The following MDGA2 variants were observed in gnomAD, a reference collection of about 807,000 sequenced individuals.
MDGA2 encodes MAM domain containing glycosylphosphatidylinositol anchor 2.
A neutral mutation model predicts 117.8 loss-of-function variants in MDGA2; 40 were observed. The observed-to-expected ratio is 0.34, with a 90% CI of 0.26 to 0.44. MDGA2 has a LOEUF of 0.44. Ranked by LOEUF, MDGA2 falls within the 20% of genes least tolerant of loss-of-function variation. The pLI is 1.00. For missense variants in MDGA2, 1,123 were observed against 1,250.6 expected, an observed-to-expected ratio of 0.90 and a Z score of 1.54; for synonymous variants, 452 against 439.0, an observed-to-expected ratio of 1.03 and a Z score of -0.37.
chr14:47,117,983 C>T (rs1412275740), intron 5 of MDGA2, among the ~76,000 whole-genome samples: 1 of 152,096 alleles, frequency 6.6e-6, no homozygotes, highest in East Asian at 1.9e-4. Flanking sequence ...GGATTTAGTT[C>T]CAAGTTTTGC....
chr14:47,090,544 T>C (rs893346967), intron 6 of MDGA2, among the ~76,000 whole-genome samples: 5 of 152,172 alleles, frequency 3.3e-5, no homozygotes, highest in African/African-American at 1.2e-4. Flanking sequence ...ATGTGAAGAA[T>C]ATAGTTTATG....
rs949093825 is a variant in MDGA2, at chr14:47,256,638, G to A, written c.421-38443C>T. On this transcript the variant is annotated intron_variant, in intron 2 of 16. Coordinates refer to ENST00000399232, the MANE Select transcript of MDGA2 (RefSeq NM_001113498.3). ...TTCTGATACTCCATTAGGAGAAGAG[G>A]TGATTTTACATAGTTGTGACTTTAA... is the stretch of plus-strand genomic sequence containing the variant. Among the ~76,000 whole-genome samples, 6 of 152,254 alleles carry A rather than the reference G, an allele frequency of 3.9e-5. No individual in the cohort carries two copies. The South Asian group carries it at 1.0e-3, about 26-fold the overall frequency.
At chr14:47,631,433 C>T (rs1047999791) in intron 1 of MDGA2, among the ~76,000 whole-genome samples, 21 of 152,150 alleles carry the variant, frequency 1.4e-4, no homozygotes, top group African/African-American at 5.1e-4. Context: ...TTAAATTTCT[C>T]TTATTTTTTA....
intron 1 of MDGA2, among the ~76,000 whole-genome samples, chr14:47,621,451 A>C (rs1450673680): frequency 6.6e-6 from 1 of 152,050 alleles, no homozygotes; most frequent in Admixed American, 6.6e-5. Flanking sequence ...CAGCCTCCTG[A>C]GTAGCTAGGA....
chr14:47,428,505 C>G (rs930246993), intron 1 of MDGA2, among the ~76,000 whole-genome samples: 1 of 152,014 alleles, frequency 6.6e-6, no homozygotes, highest in Non-Finnish European at 1.5e-5. Flanking sequence ...TTGGAATGTG[C>G]TACTGTTTCA....
At chr14:47,196,403 T>C (rs1885289623) in intron 3 of MDGA2, among the ~76,000 whole-genome samples, 1 of 152,168 alleles carries the variant, frequency 6.6e-6, no homozygotes, top group Non-Finnish European at 1.5e-5. Context: ...TACTGTAAGA[T>C]TAAACAACTT....
intron 10 of MDGA2, among the ~76,000 whole-genome samples, chr14:46,903,576 C>A (rs1312877403): frequency 3.3e-5 from 5 of 152,188 alleles, no homozygotes; most frequent in African/African-American, 1.2e-4. Flanking sequence ...CCCTCTTCAT[C>A]TTTACTATAG....
intron 1 of MDGA2, among the ~76,000 whole-genome samples, chr14:47,559,481 A>T (rs1895752877): frequency 1.3e-5 from 2 of 151,568 alleles, no homozygotes; most frequent in Admixed American, 6.6e-5. Flanking sequence ...TTCTTTATCC[A>T]TTCTACTATT....
intron 1 of MDGA2, among the ~76,000 whole-genome samples, chr14:47,304,558 A>C (rs564244892): frequency 6.6e-6 from 1 of 152,172 alleles, no homozygotes; most frequent in Admixed American, 6.5e-5. Flanking sequence ...ACTTCACAAT[A>C]GAATGTTGTC....
At chr14:47,329,067 G>A (rs766745301) in intron 1 of MDGA2, among the ~76,000 whole-genome samples, 1 of 152,086 alleles carries the variant, frequency 6.6e-6, no homozygotes, top group African/African-American at 2.4e-5. Context: ...AAAACAATGT[G>A]TTTGTTATAA....
intron 14 of MDGA2, among the ~76,000 whole-genome samples, chr14:46,869,467 G>A (rs1431610126): frequency 6.6e-6 from 1 of 150,940 alleles, no homozygotes; most frequent in Non-Finnish European, 1.5e-5. Context: ...ATCATGGCCA[G>A]ATGTTGTATC....
chr14:47,487,043 A>T (rs1300678005), intron 1 of MDGA2, among the ~76,000 whole-genome samples: 1 of 152,250 alleles, frequency 6.6e-6, no homozygotes, highest in Admixed American at 6.5e-5. Flanking sequence ...TCAGAAACAC[A>T]AAAATCTCTT....
intron 3 of MDGA2, among the ~76,000 whole-genome samples, chr14:47,202,880 G>GCTA (rs1404662911): frequency 2.6e-5 from 4 of 152,028 alleles, no homozygotes; most frequent in Non-Finnish European, 5.9e-5. Flanking sequence ...AAATGTTAAT[G>GCTA]CTATAGAACT....
chr14:46,924,293 A>G (rs1223658954), intron 9 of MDGA2, among the ~76,000 whole-genome samples: 1 of 152,092 alleles, frequency 6.6e-6, no homozygotes, highest in Non-Finnish European at 1.5e-5. Flanking sequence ...ATTGCAAAAT[A>G]TAATTTTATG....
intron 1 of MDGA2, among the ~76,000 whole-genome samples, chr14:47,619,092 A>G (rs1385396888): frequency 1.4e-5 from 2 of 147,978 alleles, no homozygotes; most frequent in Admixed American, 1.4e-4. Context: ...TTGATATAAT[A>G]GCATCTCTGA....
At chr14:47,244,188 G>A (rs1355562815) in intron 2 of MDGA2, among the ~76,000 whole-genome samples, 2 of 151,668 alleles carry the variant, frequency 1.3e-5, no homozygotes, top group African/African-American at 4.8e-5. Flanking sequence ...AAAACTACCT[G>A]CAGAACTGTA....
At chr14:47,158,482 C>T (rs780876170) in intron 3 of MDGA2, among the ~76,000 whole-genome samples, 7 of 84,534 alleles carry the variant, frequency 8.3e-5, no homozygotes, top group Non-Finnish European at 1.3e-4. Context: ...CTTATAGCAG[C>T]CTTTTTTTTT....
Position 47,344,194 on chromosome 14 carries a change from G to T in MDGA2, c.281-42644C>A, listed in dbSNP as rs117710597. On this transcript the variant is annotated intron_variant, in intron 1 of 16. Transcript: ENST00000399232. Reference sequence around the variant, plus strand: ...ATTTATTTATTTCCTAAAGAGGAAAGAATCTTTAGTTTTGGCATGTGCATA... The same window carrying T: ...ATTTATTTATTTCCTAAAGAGGAAATAATCTTTAGTTTTGGCATGTGCATA... Among the ~76,000 whole-genome samples, 1,372 of 152,216 alleles carry T rather than the reference G, an allele frequency of 9.0e-3. 14 individuals are homozygous for T. The highest frequency in any genetic ancestry group is 0.014 in the Non-Finnish European group (970 of 67,978).
chr14:47,496,192 C>A (rs1480890581), intron 1 of MDGA2, among the ~76,000 whole-genome samples: 1 of 152,060 alleles, frequency 6.6e-6, no homozygotes, highest in Non-Finnish European at 1.5e-5. Flanking sequence ...TTTCCACAAG[C>A]AGGTGGAAGA....
Sources: allele counts gnomAD v4.1 joint callset (sites outside exome capture counted in the v4.1 genomes callset), GRCh38; gene constraint gnomAD v4.1.1; transcripts MANE v1.5; gene names NCBI Gene and HGNC (gene_info 2026-07-23, HGNC 2026-07-21).